RHBDD1: variants seen among roughly 807,000 people sequenced by gnomAD.
RHBDD1 encodes the protein rhomboid domain containing 1.
RHBDD1 carries 38 observed loss-of-function variants against 36.3 expected under a neutral mutation model. The observed-to-expected ratio is 1.05, with a 90% CI of 0.81 to 1.37. The LOEUF (loss-of-function observed/expected upper bound fraction) is 1.37, where lower values mean the gene tolerates loss of function less well. RHBDD1 is among the 40% of genes most tolerant of loss of function. The pLI is 0.00. For synonymous variants in RHBDD1, 151 were observed against 136.5 expected, an observed-to-expected ratio of 1.11 and a Z score of -0.74; for missense variants, 393 against 377.6, an observed-to-expected ratio of 1.04 and a Z score of -0.34.
chr2:226,980,637 T>C (rs942424664), intron 8 of RHBDD1, among the ~76,000 whole-genome samples: 2 of 152,192 alleles, frequency 1.3e-5, no homozygotes, highest in African/African-American at 2.4e-5. Context: ...GGGTTCCTTA[T>C]GGTCTTAAAA....
chr2:226,907,135 C>T (rs1948121598), intron 6 of RHBDD1: 2 of 546,942 alleles, frequency 3.7e-6, no homozygotes, highest in Admixed American at 6.3e-5. Flanking sequence ...ATACCCTCAA[C>T]CTTAATGCTA....
intron 5 of RHBDD1, among the ~76,000 whole-genome samples, chr2:226,902,281 T>TA (rs1947660236): frequency 6.6e-6 from 1 of 152,310 alleles, no homozygotes; most frequent in South Asian, 2.1e-4. Context: ...TTGATGCTGT[T>TA]ACGTTTGAAG....
chr2:226,942,539 G>A (rs756174373), intron 8 of RHBDD1: 36 of 383,522 alleles, frequency 9.4e-5, no homozygotes, highest in African/African-American at 5.6e-4. Flanking sequence ...GTGCCCAGCC[G>A]TTGTGATCAT....
intron 8 of RHBDD1, among the ~76,000 whole-genome samples, chr2:226,985,847 T>C (rs763804134): frequency 6.6e-6 from 1 of 152,244 alleles, no homozygotes; most frequent in Non-Finnish European, 1.5e-5. Context: ...AAAGCCACCT[T>C]GAGATGCCCA....
intron 5 of RHBDD1, among the ~76,000 whole-genome samples, chr2:226,905,844 G>A (rs927142932): frequency 1.9e-4 from 29 of 152,260 alleles, no homozygotes; most frequent in Admixed American, 1.7e-3. Context: ...GGAAGTGGGA[G>A]TGGCACCCCA....
the RHBDD1 span, among the ~76,000 whole-genome samples, chr2:226,820,799 TA>T: frequency 6.6e-6 from 1 of 151,940 alleles, no homozygotes; most frequent in Non-Finnish European, 1.5e-5. Flanking sequence ...ACCCTGTCAC[TA>T]AAAAAATTTA....
At chr2:226,938,072 A>G (rs1950449510) in intron 8 of RHBDD1, among the ~76,000 whole-genome samples, 1 of 152,100 alleles carries the variant, frequency 6.6e-6, no homozygotes, top group Non-Finnish European at 1.5e-5. Flanking sequence ...GTGTAAAAGC[A>G]TTCCTTTTTC....
chr2:226,865,203 T>C, intron 4 of RHBDD1, 77 bp downstream of exon 4: 2 of 1,133,772 alleles, frequency 1.8e-6, no homozygotes, highest in South Asian at 3.0e-5. Context: ...TTATGAAGTG[T>C]GGGTCCCTAT....
intron 5 of RHBDD1, among the ~76,000 whole-genome samples, chr2:226,883,162 C>T (rs1945913452): frequency 6.6e-6 from 1 of 152,200 alleles, no homozygotes; most frequent in Non-Finnish European, 1.5e-5. Flanking sequence ...TAAAATCATT[C>T]CTGAACATCT....
upstream of RHBDD1, among the ~76,000 whole-genome samples, chr2:226,831,959 T>G (rs1235945257): frequency 8.4e-5 from 8 of 95,200 alleles, no homozygotes; most frequent in Non-Finnish European, 1.8e-5. Flanking sequence ...TTTTACTGGT[T>G]TTTTTTTTTT....
At chr2:226,942,031 G>A (rs1490144619) in intron 8 of RHBDD1, among the ~76,000 whole-genome samples, 1 of 152,168 alleles carries the variant, frequency 6.6e-6, no homozygotes, top group Non-Finnish European at 1.5e-5. Flanking sequence ...AGGGCCAGAT[G>A]TCTCTATTCC....
intron 3 of RHBDD1, among the ~76,000 whole-genome samples, chr2:226,844,983 A>G (rs1020719233): frequency 1.3e-5 from 2 of 152,164 alleles, no homozygotes; most frequent in African/African-American, 4.8e-5. Context: ...AACACTTTTA[A>G]AAGGTGGAGA....
the RHBDD1 span, among the ~76,000 whole-genome samples, chr2:226,817,791 G>A: frequency 7.9e-5 from 12 of 152,154 alleles, no homozygotes; most frequent in African/African-American, 2.2e-4. Flanking sequence ...GGGTGCTCAC[G>A]CAAAGTTAGA....
At chr2:226,888,175 G>C (rs1946386479) in intron 5 of RHBDD1, among the ~76,000 whole-genome samples, 1 of 152,112 alleles carries the variant, frequency 6.6e-6, no homozygotes, top group South Asian at 2.1e-4. Context: ...GAGCAGCATT[G>C]GTGGAATATT....
At chr2:226,876,848 G>A (rs1448857772) in intron 5 of RHBDD1, among the ~76,000 whole-genome samples, 1 of 152,066 alleles carries the variant, frequency 6.6e-6, no homozygotes, top group Non-Finnish European at 1.5e-5. Flanking sequence ...ATATCAGTAA[G>A]CACAATATGT....
At chr2:226,951,684 A>G (rs1043982226) in intron 8 of RHBDD1, among the ~76,000 whole-genome samples, 8 of 152,202 alleles carry the variant, frequency 5.3e-5, no homozygotes, top group Admixed American at 4.6e-4. Flanking sequence ...TAATCTTCCA[A>G]TTCAATGGAA....
chr2:226,875,796 T>G (rs923042982), intron 5 of RHBDD1, among the ~76,000 whole-genome samples: 3 of 152,208 alleles, frequency 2.0e-5, no homozygotes, highest in African/African-American at 4.8e-5. Flanking sequence ...GCTAGTGGTG[T>G]TCCTTCAAAT....
chr2:226,972,510 A>C (rs1202009783), intron 8 of RHBDD1, among the ~76,000 whole-genome samples: 1 of 152,128 alleles, frequency 6.6e-6, no homozygotes, highest in Non-Finnish European at 1.5e-5. Context: ...CACCCAGTTC[A>C]TCTGGACTCC....
intron 8 of RHBDD1, among the ~76,000 whole-genome samples, chr2:226,941,231 G>T (rs1317058595): frequency 6.6e-6 from 1 of 152,150 alleles, no homozygotes; most frequent in African/African-American, 2.4e-5. Context: ...CTCCCAAAGT[G>T]CTGGGATTAC....
Sources: gnomAD v4.1 joint callset for allele counts (sites outside exome capture counted in the v4.1 genomes callset) on GRCh38, gnomAD v4.1.1 for gene constraint, MANE v1.5 for transcripts, NCBI Gene and HGNC (gene_info 2026-07-23, HGNC 2026-07-21) for gene names.